DUSP8: variants seen among roughly 807,000 people sequenced by gnomAD.
DUSP8 encodes dual specificity phosphatase 8.
DUSP8 carries 15 observed loss-of-function variants against 38.7 expected under a neutral mutation model. That is an observed-to-expected ratio of 0.39 (90% CI 0.26 to 0.60). The LOEUF is 0.60. Ranked by LOEUF, DUSP8 falls within the 20% of genes least tolerant of loss-of-function variation. The pLI, the probability that DUSP8 is intolerant of heterozygous loss-of-function variation, is 0.56. For missense variants in DUSP8, 768 were observed against 915.0 expected (o/e 0.84, Z 2.07); for synonymous variants, 458 against 433.9 (o/e 1.06, Z -0.69).
chr11:1,569,988 C>T (rs545628236), intron 1 of DUSP8, among the ~76,000 whole-genome samples: 1 of 152,238 alleles, frequency 6.6e-6, no homozygotes, highest in Non-Finnish European at 1.5e-5. Flanking sequence ...CCCCCAGATG[C>T]CCTCATCCCT....
intron 3 of DUSP8, 119 bp from the exon 4 acceptor site, chr11:1,559,174 A>G: frequency 9.6e-7 from 1 of 1,036,698 alleles, no homozygotes; most frequent in Non-Finnish European, 1.3e-6. Flanking sequence ...CACCCAGCCC[A>G]GACCCGAGCC....
chr11:1,571,613 CCA>C (rs1848898307), intron 1 of DUSP8: 2 of 152,216 alleles, frequency 1.3e-5, no homozygotes, highest in Admixed American at 1.3e-4. Flanking sequence ...TGTCCCCCCC[CCA>C]TTCCACACCC....
chr11:1,556,878 CCCGGGGCCGGCCGGCTGGCCAGGG>C lies in DUSP8; in HGVS notation c.1494_1517del (p.Pro499_Gly506del). On this transcript the variant is annotated inframe_deletion, in exon 7 of 7. Transcript: ENST00000397374. This position sits in a 1 kb window ranked among gnomAD's most constrained non-coding sequence, Gnocchi z 5.2. Reference sequence around the variant, plus strand: ...GGGAGTCGAGCGGCGGTGCCCAGGCCCCGGGGCCGGCCGGCTGGCCAGGGCCGGGCAGCCCGGGCGCCGACAGGG... The same window carrying C: ...GGGAGTCGAGCGGCGGTGCCCAGGCCCCGGGCAGCCCGGGCGCCGACAGGG... The C allele has an allele frequency of 9.0e-7, 1 of 1,110,636 alleles. No individual in the cohort carries two copies. 68.8% of individuals were successfully genotyped at this position (1,110,636 alleles called of 1,614,324 possible).
chr11:1,556,740 G>A lies in DUSP8; in HGVS notation c.1656C>T (p.Gly552=), dbSNP rs745364148. 19 of 1,223,778 alleles carry A rather than the reference G, an allele frequency of 1.6e-5. No individual in the cohort carries two copies. Among genetic ancestry groups the A allele is most frequent in the East Asian group, 6.6e-5 (2 of 30,496 alleles). The allele number at this position is 1,223,778 out of a possible 1,614,324, so 75.8% of individuals were successfully genotyped here. Residue 552 remains glycine, a synonymous_variant, in exon 7 of 7, where the codon GGC becomes GGT. Transcript: ENST00000397374. The surrounding 1 kb of genome is among the most constrained non-coding windows in gnomAD (Gnocchi z 5.2). ...CCTCCCGCCGCCGCAGGTCGCTGCC[G>A]CCGCCTGGTCCCGGGGCGCCCGCCC... ...FGRAGAPGPG[G]GSDLRRREAA...
rs763305827 is a variant in DUSP8 at position 1,558,157 on chromosome 11, A to G, written c.652T>C (p.Cys218Arg). The G allele has an allele frequency of 1.2e-6, 2 of 1,611,802 alleles. No homozygotes were observed. The highest frequency in any genetic ancestry group is 8.5e-7 in the Non-Finnish European group (1 of 1,179,820). ...TCCAGCCAGGGCAGCAGTTTTTCAC[A>G]GTAGTTGTCGTTGATGGGGACCCGC... Reference protein sequence around the residue: ...FMRVPINDNYCEKLLPWLDKS... With the variant: ...FMRVPINDNYREKLLPWLDKS... Residue 218 changes from cysteine (C) to arginine (R), a missense_variant, in exon 5 of 7, where the codon TGT becomes CGT. Cys to Arg is a radical substitution (Grantham distance 180). Transcript: ENST00000397374. The surrounding 1 kb of genome is among the most constrained non-coding windows in gnomAD (Gnocchi z 6.3).
In DUSP8 at chr11:1,557,089, G is replaced by C. The variant is rs1317075345; in HGVS notation, c.1307C>G (p.Ser436Cys). Residue 436 changes from serine (S) to cysteine (C), a missense_variant, in exon 7 of 7, where the codon TCC becomes TGC. Around this residue, in one of 3 missense-constraint regions of DUSP8, gnomAD observed 474 missense variants for 430.8 expected, o/e 1.10. Transcript: ENST00000397374. The surrounding 1 kb of genome is among the most constrained non-coding windows in gnomAD (Gnocchi z 9.9). ...DSPSGAALGL[S>C]SPSPDSPDAA... ...GTCCGGGCTGTCCGGGCTGGGCGAG[G>C]ACAGGCCCAGCGCGGCCCCCGACGG... 6 of 1,325,436 alleles carry C rather than the reference G, an allele frequency of 4.5e-6. No homozygotes were observed. The highest frequency in any genetic ancestry group is 5.8e-6 in the Non-Finnish European group (6 of 1,043,282). 82.1% of individuals were successfully genotyped at this position (1,325,436 alleles called of 1,614,324 possible).
chr11:1,568,130 T>C (rs910518992), intron 1 of DUSP8, among the ~76,000 whole-genome samples: 1 of 152,124 alleles, frequency 6.6e-6, no homozygotes, highest in Admixed American at 6.5e-5. Flanking sequence ...GGCCTCAATG[T>C]CCTCATCCGT....
chr11:1,569,686 G>C (rs1178077341), intron 1 of DUSP8, among the ~76,000 whole-genome samples: 1 of 152,090 alleles, frequency 6.6e-6, no homozygotes, highest in Non-Finnish European at 1.5e-5. Context: ...GCCACCCCCA[G>C]CTCTCAACTG....
rs575699487 is a variant in DUSP8, at chr11:1,559,101, T to TCCCTGTCCGCCTAGGGTG, written c.371-64_371-47dup. 7 of 1,575,960 alleles carry TCCCTGTCCGCCTAGGGTG rather than the reference T, an allele frequency of 4.4e-6. No homozygotes were observed. In the East Asian group the frequency reaches 6.9e-5, roughly 15 times the overall value. ...AGTGGGTTGAGAGAACACCTAGGGC[T>TCCCTGTCCGCCTAGGGTG]CCCTGTCCGCCTAGGGTGCCCTGTC... On this transcript the variant is annotated intron_variant, in intron 3 of 6. Transcript: ENST00000397374.
intron 2 of DUSP8, 84 bp downstream of exon 2, chr11:1,565,512 G>A (rs1848787344): frequency 9.0e-7 from 1 of 1,110,822 alleles, no homozygotes; most frequent in Non-Finnish European, 1.3e-6. Context: ...GGAAGGCAGA[G>A]GAGGGGGGTG....
intron 1 of DUSP8, among the ~76,000 whole-genome samples, chr11:1,566,612 T>G (rs1008381733): frequency 6.6e-6 from 1 of 151,666 alleles, no homozygotes. Context: ...CAGGCTGAGG[T>G]TTAGTGTGCG....
intron 3 of DUSP8, among the ~76,000 whole-genome samples, chr11:1,562,162 C>T (rs986117774): frequency 6.6e-6 from 1 of 152,092 alleles, no homozygotes; most frequent in African/African-American, 2.4e-5. Flanking sequence ...CCATGCTGTC[C>T]CACCCACCAG....
In DUSP8 at chr11:1,563,959, C is replaced by T. The variant is rs1222114316; in HGVS notation, c.262G>A (p.Val88Ile). Residue 88 changes from valine (V) to isoleucine (I), a missense_variant, in exon 3 of 7, where the codon GTC (valine) becomes ATC (isoleucine). Physicochemically the swap from Val to Ile is conservative, Grantham distance 29. Coordinates refer to ENST00000397374, the MANE Select transcript of DUSP8 (RefSeq NM_004420.3). ...VEATEPQDVVVYDQSTRDASV... is the reference protein window; with the variant it reads ...VEATEPQDVVIYDQSTRDASV... ...GCGTCCCGCGTGCTCTGGTCATAGA[C>T]CACCACGTCCTGTGGCTCCGTAGCC... 2 of 1,516,352 alleles carry T rather than the reference C, an allele frequency of 1.3e-6. No homozygotes were observed. Among genetic ancestry groups the T allele is most frequent in the Admixed American group, 4.3e-5 (2 of 46,982 alleles). 93.9% of individuals were successfully genotyped at this position (1,516,352 alleles called of 1,614,324 possible).
At position 1,555,269 on chromosome 11, in the gene DUSP8, A is replaced by C; in HGVS notation, c.*1249T>G. 1.0e-6 allele frequency: 1 copy of C among 987,780 alleles called. No homozygotes were observed. The highest frequency in any genetic ancestry group is 1.2e-6 in the Non-Finnish European group (1 of 830,134). 61.2% of individuals were successfully genotyped at this position (987,780 alleles called of 1,614,324 possible). A position where few individuals can be genotyped will look rare whatever the true frequency, so the allele number is the denominator to read the frequency against. On this transcript the variant is annotated 3_prime_UTR_variant, in exon 7 of 7. Transcript: ENST00000397374. ...GAGAGAGCACCCTGGGAAAGGGGTGAATGGGAGTTTCTCTCCTGAGCGGCC... is the reference window on the plus strand; with the variant it reads ...GAGAGAGCACCCTGGGAAAGGGGTGCATGGGAGTTTCTCTCCTGAGCGGCC...
At chr11:1,563,749 T>TC (rs1848756990) in intron 3 of DUSP8, 102 bp downstream of exon 3, 12 of 1,255,048 alleles carry the variant, frequency 9.6e-6, no homozygotes, top group East Asian at 2.7e-5. Flanking sequence ...TGTATGGAGA[T>TC]CCCCCCGTGC....
In DUSP8 at chr11:1,557,014, G is replaced by C. The variant is rs988330797; in HGVS notation, c.1382C>G (p.Ala461Gly). ...CGCGGGGGAGCGCGCGGGGGAGCCG[G>C]CGGGGGGCCGGGGCCGCCGGCGGGG... ...PRPRRRPRPPAGSPARSPAHS... is the reference protein window; with the variant it reads ...PRPRRRPRPPGGSPARSPAHS... The change falls in exon 7 of 7, where the codon GCC becomes GGC. Residue 461 changes from alanine (A) to glycine (G), a missense_variant. Coordinates refer to ENST00000397374, the MANE Select transcript of DUSP8 (RefSeq NM_004420.3). This position sits in a 1 kb window ranked among gnomAD's most constrained non-coding sequence, Gnocchi z 9.9. 13 of 1,026,316 alleles carry C rather than the reference G, an allele frequency of 1.3e-5. No homozygotes were observed. Among genetic ancestry groups the C allele is most frequent in the Non-Finnish European group, 1.4e-5 (12 of 859,200 alleles). The allele number at this position is 1,026,316 out of a possible 1,614,324, so 63.6% of individuals were successfully genotyped here.
At position 1,563,854 on chromosome 11, in the gene DUSP8, T is replaced by C; in HGVS notation, c.367A>G (p.Thr123Ala). 6.6e-7 allele frequency: 1 copy of C among 1,521,456 alleles called. No homozygotes were observed. The highest frequency in any genetic ancestry group is 8.8e-7 in the Non-Finnish European group (1 of 1,131,108). The allele number at this position is 1,521,456 out of a possible 1,614,324, so 94.2% of individuals were successfully genotyped here. The change falls in exon 3 of 7, where the codon ACT becomes GCT. Residue 123 changes from threonine (T) to alanine (A), a missense_variant. Around this residue, in one of 3 missense-constraint regions of DUSP8, gnomAD observed 252 missense variants for 410.4 expected, o/e 0.61. Transcript: ENST00000397374. ...DGCFDSVAILTGGFATFSSCF... is the reference protein window; with the variant it reads ...DGCFDSVAILAGGFATFSSCF... ...GAGGCGTGGGTCATGGACTCACCAG[T>C]GAGGATGGCCACGCTGTCGAAGCAG...
At position 1,557,448 on chromosome 11, in the gene DUSP8, C is replaced by A; in HGVS notation, c.948G>T (p.Thr316=). 1 of 1,561,824 alleles carries A rather than the reference C, an allele frequency of 6.4e-7. No individual in the cohort carries two copies. The highest frequency in any genetic ancestry group is 8.6e-7 in the Non-Finnish European group (1 of 1,165,720). ...CGGCAGGACTGGGCGGAGGCTCCGG[C>A]GTCCCTGAGGGGGTGCCCGGGTCGC... ...LQGDPGTPSG[T]PEPPPSPAAG... The change falls in exon 7 of 7, where the codon ACG becomes ACT. Residue 316 remains threonine (T), a synonymous_variant. Transcript: ENST00000397374. The surrounding 1 kb of genome is among the most constrained non-coding windows in gnomAD (Gnocchi z 9.9).
intron 1 of DUSP8, among the ~76,000 whole-genome samples, chr11:1,566,421 C>T (rs1848805289): frequency 6.6e-6 from 1 of 152,152 alleles, no homozygotes; most frequent in African/African-American, 2.4e-5. Context: ...GGAGTCCAAT[C>T]CCTGGAGACT....
Sources: allele counts gnomAD v4.1 joint callset (sites outside exome capture counted in the v4.1 genomes callset), GRCh38; gene constraint gnomAD v4.1.1; regional missense constraint gnomAD v4.1.1; non-coding constraint Gnocchi (gnomAD v3.1); transcripts MANE v1.5; gene names NCBI Gene and HGNC (gene_info 2026-07-23, HGNC 2026-07-21).